Variants in RMC1 observed in about 807,000 individuals in gnomAD.
RMC1 encodes regulator of MON1-CCZ1.
RMC1 carries 44 observed loss-of-function variants against 95.5 expected under a neutral mutation model. The ratio of observed to expected loss-of-function variants is 0.46; its 90% CI spans 0.36 to 0.59. RMC1 has a LOEUF of 0.59. Ranked by LOEUF, RMC1 falls within the 20% of genes least tolerant of loss-of-function variation. The pLI, the probability that RMC1 is intolerant of heterozygous loss-of-function variation, is 0.00. For missense variants in RMC1, 705 were observed against 819.6 expected (o/e 0.86, Z 1.71); for synonymous variants, 320 against 303.6 (o/e 1.05, Z -0.56).
At chr18:23,523,362 C>T (rs981060523) in intron 10 of RMC1, among the ~76,000 whole-genome samples, 15 of 151,912 alleles carry the variant, frequency 9.9e-5, no homozygotes, top group African/African-American at 3.1e-4. Context: ...GCTTCCCAGA[C>T]GAGCTCACTG....
At chr18:23,528,102 G>A (rs1360754830) in intron 14 of RMC1, 3 of 512,800 alleles carry the variant, frequency 5.9e-6, no homozygotes, top group South Asian at 2.6e-5. Flanking sequence ...ACGAGCTGGC[G>A]GCTGCATCTC....
chr18:23,527,786 C>A lies in RMC1; in HGVS notation c.1190-9C>A. 1 of 1,609,438 alleles carries A rather than the reference C, an allele frequency of 6.2e-7. No individual in the cohort carries two copies. The highest frequency in any genetic ancestry group is 8.5e-7 in the Non-Finnish European group (1 of 1,175,882). On this transcript the variant is annotated splice_polypyrimidine_tract_variant and intron_variant, in intron 13 of 19. Coordinates refer to ENST00000269221, the MANE Select transcript of RMC1 (RefSeq NM_013326.5). ...GTTTGATCCGTGTGTGAACATTGTG[C>A]CTTTCCAGTGTTAAGTGAGTCAGAC...
intron 5 of RMC1, among the ~76,000 whole-genome samples, chr18:23,509,999 T>A (rs1330846740): frequency 7.8e-5 from 11 of 141,488 alleles, no homozygotes; most frequent in African/African-American, 2.0e-4. Flanking sequence ...TTTTTTTTTT[T>A]ATAATTGCAA....
intron 5 of RMC1, among the ~76,000 whole-genome samples, chr18:23,509,850 C>T (rs922810452): frequency 1.3e-5 from 2 of 151,528 alleles, no homozygotes; most frequent in Admixed American, 6.6e-5. Context: ...TGAGCCACTG[C>T]GCCCGGCCCT....
intron 13 of RMC1, 131 bp from the exon 14 acceptor site, chr18:23,527,664 G>GTATTGTAGTTCT: frequency 3.3e-6 from 2 of 607,866 alleles, no homozygotes; most frequent in Non-Finnish European, 6.0e-6. Flanking sequence ...GGTCTTTAAA[G>GTATTGTAGTTCT]TAGAGTGTCC....
chr18:23,527,728 A>G (rs2058347854), intron 13 of RMC1, 67 bp from the exon 14 acceptor site: 4 of 1,231,028 alleles, frequency 3.2e-6, no homozygotes, highest in Admixed American at 1.7e-5. Context: ...TATCATAGCA[A>G]CGTGTGGAAA....
In RMC1 at chr18:23,518,071, G is replaced by C. The variant is rs78998039; in HGVS notation, c.654-819G>C. ...TGAGAGCAGTCCTGGCTGAAGTGGA[G>C]GTGGGGACCTGTTCCCTCCCACCTT... On this transcript the variant is annotated intron_variant, in intron 7 of 19. Transcript: ENST00000269221. Among the ~76,000 whole-genome samples the C allele has an allele frequency of 1.5e-3, 234 of 152,374 alleles. 7 individuals carry two copies. The East Asian group carries it at 0.04, about 26-fold the overall frequency.
At chr18:23,531,455 G>C (rs951251257) in intron 19 of RMC1, 170 bp from the exon 20 acceptor site, 2 of 1,337,226 alleles carry the variant, frequency 1.5e-6, no homozygotes, top group African/African-American at 3.0e-5. Flanking sequence ...CTTCCATTTA[G>C]CTTTTGTATT....
intron 2 of RMC1, chr18:23,504,752 G>T: frequency 4.0e-6 from 1 of 251,768 alleles, no homozygotes; most frequent in East Asian, 8.5e-5. Flanking sequence ...TGTTCACAGA[G>T]GAGGGCGTTC....
rs1213384534 is a variant in RMC1 at position 23,519,224 on chromosome 18, G to T, written c.849+50G>T. 2.0e-6 allele frequency: 3 copies of T among 1,528,302 alleles called. No individual in the cohort carries two copies. In the African/African-American group the frequency reaches 4.1e-5, roughly 21 times the overall value. The allele number at this position is 1,528,302 out of a possible 1,614,324, so 94.7% of individuals were successfully genotyped here. ...AAAGTTAAGGTTGCTTAAAAGCCTT[G>T]TGAAAATTGGTGGCTGGGCACGGTG... On this transcript the variant is annotated intron_variant, in intron 9 of 19. Coordinates refer to ENST00000269221, the MANE Select transcript of RMC1 (RefSeq NM_013326.5).
In RMC1 at chr18:23,529,570, A is replaced by G. The variant is rs567319649; in HGVS notation, c.1417-65A>G. On this transcript the variant is annotated intron_variant, in intron 15 of 19. Coordinates refer to ENST00000269221, the MANE Select transcript of RMC1 (RefSeq NM_013326.5). ...TGGAAACAAGGTGGGGGTTGGATAG[A>G]GAGTTATATGCAGCCTCTTTTGCAC... 884 of 1,420,288 alleles carry G rather than the reference A, an allele frequency of 6.2e-4. 5 individuals are homozygous for G. The African/African-American group carries it at 0.011, about 18-fold the overall frequency. 88.0% of individuals were successfully genotyped at this position (1,420,288 alleles called of 1,614,324 possible).
chr18:23,524,792 C>G (rs994334731), intron 12 of RMC1, among the ~76,000 whole-genome samples: 1 of 152,030 alleles, frequency 6.6e-6, no homozygotes, highest in African/African-American at 2.4e-5. Context: ...GTGTCTCCCT[C>G]ATTTCTCCCA....
At chr18:23,517,526 G>C (rs1815614860) in intron 7 of RMC1, among the ~76,000 whole-genome samples, 1 of 152,146 alleles carries the variant, frequency 6.6e-6, no homozygotes, top group Non-Finnish European at 1.5e-5. Flanking sequence ...ACACACAATA[G>C]AGACTAATAA....
rs1598885882 is a variant in RMC1 at position 23,521,534 on chromosome 18, GTCC to G, written c.961+1226_961+1228del. ...GTGGCTCTTAGGCTTACCCAAATCA[GTCC>G]TCCTTCTGTCTGGAGAGGTGGGGTT... On this transcript the variant is annotated intron_variant, in intron 10 of 19. Coordinates refer to ENST00000269221, the MANE Select transcript of RMC1 (RefSeq NM_013326.5). 9.2e-5 allele frequency among the ~76,000 whole-genome samples: 14 copies of G among 152,284 alleles called. No homozygotes were observed. In the South Asian group the frequency reaches 2.3e-3, roughly 25 times the overall value.
chr18:23,527,932 T>C (rs1478063988), intron 14 of RMC1, 31 bp downstream of exon 14: 3 of 1,523,082 alleles, frequency 2.0e-6, no homozygotes, highest in South Asian at 1.2e-5. Context: ...CAAAGGGTCC[T>C]CCTCCCCCAC....
At chr18:23,511,532 CCTATAATCCCGATAAATAATTATTAT>C (rs1176340353) in intron 5 of RMC1, among the ~76,000 whole-genome samples, 4 of 152,082 alleles carry the variant, frequency 2.6e-5, no homozygotes, top group Non-Finnish European at 4.4e-5. Context: ...GCAAATGTTC[CCTATAATCCCGATAAATAATTATTAT>C]GAACAGTTTG....
At position 23,527,838 on chromosome 18, in the gene RMC1, T is replaced by G. The variant is rs1377045308; in HGVS notation, c.1233T>G (p.Thr411=). ...GAGCATCGCTGCCCGTGATAGCCAC[T>G]GTTTTTGATAAACTCAACCATGAGT... The part of the protein sequence containing the change: ...SDRASLPVIA[T]VFDKLNHEYK... Residue 411 remains threonine, a synonymous_variant, in exon 14 of 20, where the codon ACT becomes ACG. Transcript: ENST00000269221. 1.5e-5 allele frequency: 25 copies of G among 1,614,172 alleles called. No individual in the cohort carries two copies. The highest frequency in any genetic ancestry group is 2.1e-5 in the Non-Finnish European group (25 of 1,180,024).
chr18:23,531,344 G>C, intron 19 of RMC1: 1 of 379,070 alleles, frequency 2.6e-6, no homozygotes, highest in South Asian at 4.7e-5. Flanking sequence ...TCATCTTTAG[G>C]ATAGGGAAGG....
At chr18:23,519,912 C>T (rs1379617774) in intron 9 of RMC1, among the ~76,000 whole-genome samples, 3 of 152,112 alleles carry the variant, frequency 2.0e-5, no homozygotes, top group African/African-American at 7.2e-5. Context: ...CTCTGTGACA[C>T]GTGAGGATGT....
Sources: allele counts gnomAD v4.1 joint callset (sites outside exome capture counted in the v4.1 genomes callset), GRCh38; gene constraint gnomAD v4.1.1; transcripts MANE v1.5; gene names NCBI Gene and HGNC (gene_info 2026-07-23, HGNC 2026-07-21).